Variants in MICU1 observed in about 807,000 individuals in gnomAD.
MICU1 encodes calcium uptake protein 1, mitochondrial.
Under a neutral mutation model 56.8 loss-of-function variants are expected in MICU1, and 45 were observed. That is an observed-to-expected ratio of 0.79 (90% CI 0.62 to 1.02). MICU1 has a LOEUF of 1.02. MICU1 is among the 50% of genes least tolerant of loss of function. The pLI is 0.00. For missense variants in MICU1, 504 were observed against 587.1 expected (o/e 0.86, Z 1.46); for synonymous variants, 186 against 195.1 (o/e 0.95, Z 0.39).
chr10:72,516,151 T>C (rs1867638527), intron 5 of MICU1, among the ~76,000 whole-genome samples: 1 of 152,232 alleles, frequency 6.6e-6, no homozygotes, highest in African/African-American at 2.4e-5. Flanking sequence ...CGAGATGGTA[T>C]CTCATTGCGG....
chr10:72,453,677 G>A (rs1168217940), intron 8 of MICU1, among the ~76,000 whole-genome samples: 1 of 150,482 alleles, frequency 6.6e-6, no homozygotes, highest in African/African-American at 2.5e-5. Flanking sequence ...TTACAGGCTT[G>A]CACCACCACG....
At chr10:72,545,750 A>G (rs1839879255) in intron 4 of MICU1, among the ~76,000 whole-genome samples, 1 of 152,216 alleles carries the variant, frequency 6.6e-6, no homozygotes, top group Admixed American at 6.5e-5. Context: ...GAAAAAGGGA[A>G]GGCGATTCTC....
chr10:72,475,806 C>G, intron 7 of MICU1: 1 of 455,798 alleles, frequency 2.2e-6, no homozygotes, highest in East Asian at 7.0e-5. Context: ...ATAACTTGCT[C>G]AAGGTCAAGT....
At chr10:72,484,531 G>A (rs1401355958) in intron 6 of MICU1, among the ~76,000 whole-genome samples, 1 of 152,162 alleles carries the variant, frequency 6.6e-6, no homozygotes, top group Non-Finnish European at 1.5e-5. Context: ...GTTCCAAAGA[G>A]TCTTAAGGGA....
At chr10:72,530,489 T>G (rs976689299) in intron 5 of MICU1, among the ~76,000 whole-genome samples, 1 of 151,898 alleles carries the variant, frequency 6.6e-6, no homozygotes, top group Non-Finnish European at 1.5e-5. Context: ...GTTTTAAACT[T>G]TTAAACCTAG....
intron 11 of MICU1, among the ~76,000 whole-genome samples, chr10:72,371,045 T>C (rs968392023): frequency 6.7e-6 from 1 of 148,166 alleles, no homozygotes; most frequent in Admixed American, 6.8e-5. Flanking sequence ...AAAAAGAAAT[T>C]GTACTTTTCC....
intron 6 of MICU1, among the ~76,000 whole-genome samples, chr10:72,498,698 C>T (rs753112620): frequency 3.3e-5 from 5 of 152,182 alleles, no homozygotes; most frequent in Admixed American, 2.0e-4. Context: ...AAGGGCAAAC[C>T]TCCTCTCTTC....
chr10:72,383,998 A>T (rs7071040), intron 10 of MICU1, among the ~76,000 whole-genome samples: 78,244 of 139,648 alleles, frequency 0.56, 21,768 homozygotes, highest in Middle Eastern at 0.65. Flanking sequence ...TTAAAAAAAA[A>T]TTTTTTTTTA....
chr10:72,436,733 T>G (rs1387782500), intron 8 of MICU1, among the ~76,000 whole-genome samples: 1 of 152,098 alleles, frequency 6.6e-6, no homozygotes, highest in Non-Finnish European at 1.5e-5. Flanking sequence ...CTGATGGAGC[T>G]GAAAACCATG....
intron 4 of MICU1, among the ~76,000 whole-genome samples, chr10:72,536,449 C>G (rs1839637585): frequency 6.6e-6 from 1 of 151,948 alleles, no homozygotes; most frequent in African/African-American, 2.4e-5. Flanking sequence ...TGGGTTCAAG[C>G]GATTCTCCTG....
intron 10 of MICU1, among the ~76,000 whole-genome samples, chr10:72,394,555 G>A (rs1222923768): frequency 6.6e-6 from 1 of 151,958 alleles, no homozygotes; most frequent in Non-Finnish European, 1.5e-5. Flanking sequence ...GAACCCAGGA[G>A]GCAGAGGTTT....
intron 5 of MICU1, among the ~76,000 whole-genome samples, chr10:72,517,235 C>T (rs1274088095): frequency 6.6e-6 from 1 of 152,090 alleles, no homozygotes; most frequent in Non-Finnish European, 1.5e-5. Flanking sequence ...AACCAAAGAC[C>T]TGATTCTACC....
chr10:72,538,815 T>C (rs1437015383), intron 4 of MICU1, among the ~76,000 whole-genome samples: 1 of 152,034 alleles, frequency 6.6e-6, no homozygotes, highest in Non-Finnish European at 1.5e-5. Context: ...CTGAATAAAT[T>C]TTTTTTAAAA....
chr10:72,555,304 AC>A (rs1189118841), intron 3 of MICU1, among the ~76,000 whole-genome samples: 1 of 152,224 alleles, frequency 6.6e-6, no homozygotes, highest in Non-Finnish European at 1.5e-5. Flanking sequence ...ACCAAACAAA[AC>A]AAAAAAGCAG....
intron 10 of MICU1, among the ~76,000 whole-genome samples, chr10:72,396,370 G>T (rs930264517): frequency 6.6e-6 from 1 of 152,186 alleles, no homozygotes; most frequent in Non-Finnish European, 1.5e-5. Flanking sequence ...AAAGCAGAGC[G>T]CCTCTTCTCC....
chr10:72,466,277 C>A (rs1307827679), intron 8 of MICU1, among the ~76,000 whole-genome samples: 1 of 152,142 alleles, frequency 6.6e-6, no homozygotes, highest in Non-Finnish European at 1.5e-5. Context: ...ACAAGTGGGA[C>A]CTCATGAGAT....
intron 8 of MICU1, among the ~76,000 whole-genome samples, chr10:72,464,277 C>T (rs184066897): frequency 2.4e-5 from 3 of 122,658 alleles, no homozygotes; most frequent in Admixed American, 1.0e-4. Flanking sequence ...GCCGGGGTGA[C>T]AGAGTGAGAT....
At chr10:72,471,328 C>T (rs1441641835) in intron 8 of MICU1, among the ~76,000 whole-genome samples, 1 of 152,226 alleles carries the variant, frequency 6.6e-6, no homozygotes, top group Non-Finnish European at 1.5e-5. Context: ...TCGTGATCTG[C>T]CCGCCTTGGA....
At chr10:72,577,438 G>A (rs1414021830) in intron 1 of MICU1, among the ~76,000 whole-genome samples, 1 of 151,906 alleles carries the variant, frequency 6.6e-6, no homozygotes, top group African/African-American at 2.4e-5. Context: ...GAACCCGGGA[G>A]GCGGAGGTTG....
Sources: allele counts gnomAD v4.1 joint callset (sites outside exome capture counted in the v4.1 genomes callset), GRCh38; gene constraint gnomAD v4.1.1; transcripts MANE v1.5; gene names NCBI Gene and HGNC (gene_info 2026-07-23, HGNC 2026-07-21).